Variants in ELK3 observed in about 807,000 individuals in gnomAD.
The protein encoded by ELK3 is ETS domain-containing protein Elk-3.
In ELK3, 10 loss-of-function variants were observed where a neutral mutation model predicts 28.9. The observed-to-expected ratio is 0.35, with a 90% confidence interval of 0.21 to 0.59. The LOEUF (loss-of-function observed/expected upper bound fraction) is 0.59. Among genes scored for constraint, ELK3 ranks in the 20% least tolerant of loss-of-function variants. The pLI is 0.82. For synonymous variants in ELK3, 272 were observed against 243.5 expected, an observed-to-expected ratio of 1.12 and a Z score of -1.09; for missense variants, 463 against 517.3, an observed-to-expected ratio of 0.90 and a Z score of 1.02.
intron 2 of ELK3, among the ~76,000 whole-genome samples, chr12:96,231,430 C>T (rs1242509689): frequency 1.3e-5 from 2 of 152,212 alleles, no homozygotes; most frequent in Non-Finnish European, 2.9e-5. Context: ...TGCCAGGCAC[C>T]TTATGGGTCA....
intron 1 of ELK3, among the ~76,000 whole-genome samples, chr12:96,208,366 T>C: frequency 6.6e-6 from 1 of 152,250 alleles, no homozygotes; most frequent in East Asian, 1.9e-4. Flanking sequence ...GGCAGGTTTT[T>C]TTAGTGACTT....
intron 1 of ELK3, among the ~76,000 whole-genome samples, chr12:96,211,242 G>C (rs1760238028): frequency 6.6e-6 from 1 of 152,192 alleles, no homozygotes; most frequent in South Asian, 2.1e-4. Flanking sequence ...TATGGGCGCT[G>C]TTCTTCAGAA....
chr12:96,204,993 G>C (rs1413278510), intron 1 of ELK3, among the ~76,000 whole-genome samples: 1 of 152,356 alleles, frequency 6.6e-6, no homozygotes, highest in Admixed American at 6.5e-5. Flanking sequence ...CTTTACGGAT[G>C]TGGGCTGCAA....
intron 4 of ELK3, among the ~76,000 whole-genome samples, chr12:96,263,961 C>T (rs1404589498): frequency 6.6e-6 from 1 of 152,068 alleles, no homozygotes; most frequent in East Asian, 1.9e-4. Flanking sequence ...GTGGAAGGAA[C>T]AGGAAGATAA....
intron 1 of ELK3, among the ~76,000 whole-genome samples, chr12:96,205,337 T>A (rs944911589): frequency 2.0e-5 from 3 of 152,206 alleles, no homozygotes; most frequent in Non-Finnish European, 2.9e-5. Flanking sequence ...TACCTCAGTT[T>A]CCTTGTATGA....
intron 3 of ELK3, among the ~76,000 whole-genome samples, chr12:96,249,405 G>A (rs1422377831): frequency 6.6e-6 from 1 of 152,178 alleles, no homozygotes; most frequent in Non-Finnish European, 1.5e-5. Context: ...GGAGGGCCAG[G>A]GGATCAGGAT....
chr12:96,239,979 C>T (rs1001991743), intron 2 of ELK3, among the ~76,000 whole-genome samples: 19 of 152,366 alleles, frequency 1.2e-4, no homozygotes, highest in African/African-American at 3.8e-4. Context: ...TTCACATCTG[C>T]GGCTCCGTGT....
intron 1 of ELK3, among the ~76,000 whole-genome samples, chr12:96,200,834 T>G (rs1951503365): frequency 1.3e-5 from 2 of 152,198 alleles, no homozygotes; most frequent in Non-Finnish European, 2.9e-5. Context: ...GGCTAATTTT[T>G]GTATTTTTAA....
chr12:96,256,344 G>GT (rs556245198), intron 3 of ELK3, among the ~76,000 whole-genome samples: 51 of 152,292 alleles, frequency 3.3e-4, no homozygotes, highest in Middle Eastern at 6.8e-3. Flanking sequence ...TTTATGTCTT[G>GT]TTTTATCCTC....
intron 1 of ELK3, among the ~76,000 whole-genome samples, chr12:96,210,835 C>G (rs562790482): frequency 1.2e-4 from 18 of 152,220 alleles, no homozygotes; most frequent in African/African-American, 4.3e-4. Flanking sequence ...TGAGGCAACA[C>G]CAGAAATGAA....
chr12:96,266,492 T>C (rs530119320), intron 4 of ELK3, among the ~76,000 whole-genome samples: 12 of 152,124 alleles, frequency 7.9e-5, no homozygotes, highest in African/African-American at 2.9e-4. Context: ...TACAGAAATC[T>C]TATTCTTTGT....
intron 4 of ELK3, among the ~76,000 whole-genome samples, chr12:96,264,088 C>T (rs1373943969): frequency 6.6e-6 from 1 of 152,110 alleles, no homozygotes; most frequent in Non-Finnish European, 1.5e-5. Flanking sequence ...GCGATCCTCC[C>T]ACCTCAGCCT....
chr12:96,263,977 AATTTTT>A (rs1221923059), intron 4 of ELK3, among the ~76,000 whole-genome samples: 4 of 152,018 alleles, frequency 2.6e-5, no homozygotes, highest in East Asian at 1.9e-4. Flanking sequence ...GATAAGAGGA[AATTTTT>A]ATTTTTATTT....
intron 1 of ELK3, among the ~76,000 whole-genome samples, chr12:96,202,599 T>C (rs1237537307): frequency 1.4e-5 from 2 of 140,884 alleles, no homozygotes; most frequent in African/African-American, 5.4e-5. Flanking sequence ...CCATCTTGGG[T>C]CACTGCAACC....
chr12:96,228,246 C>T (rs573249305), intron 2 of ELK3, among the ~76,000 whole-genome samples: 3 of 142,538 alleles, frequency 2.1e-5, no homozygotes, highest in East Asian at 2.6e-4. Flanking sequence ...GGTGAAACCC[C>T]GTCTCTACTA....
rs1044603796 is a variant in ELK3 at position 96,249,703 on chromosome 12, G to C, written c.1002+1969G>C. Among the ~76,000 whole-genome samples the C allele has an allele frequency of 2.6e-5, 4 of 152,274 alleles. No individual in the cohort carries two copies. In the East Asian group the frequency reaches 7.7e-4, roughly 29 times the overall value. ...GAGCCTGGATCACCTTCTCAGAACA[G>C]AGTGAGGCAGATGCCAGCCCTGTCT... On this transcript the variant is annotated intron_variant, in intron 3 of 4. Coordinates refer to ENST00000228741, the MANE Select transcript of ELK3 (RefSeq NM_005230.4).
intron 1 of ELK3, among the ~76,000 whole-genome samples, chr12:96,221,829 C>T (rs1951664136): frequency 6.6e-6 from 1 of 152,152 alleles, no homozygotes; most frequent in Non-Finnish European, 1.5e-5. Context: ...TTTAAAGAGC[C>T]CTAAATAAAA....
chr12:96,195,787 CAAAG>C (rs1316450213), intron 1 of ELK3, among the ~76,000 whole-genome samples: 4 of 152,182 alleles, frequency 2.6e-5, no homozygotes, highest in African/African-American at 7.2e-5. Context: ...GAGGAGCTCA[CAAAG>C]AAACTGTGGT....
chr12:96,195,792 A>G (rs1386896771), intron 1 of ELK3, among the ~76,000 whole-genome samples: 1 of 152,124 alleles, frequency 6.6e-6, no homozygotes, highest in African/African-American at 2.4e-5. Context: ...GCTCACAAAG[A>G]AACTGTGGTT....
Sources: gnomAD v4.1 joint callset for allele counts (sites outside exome capture counted in the v4.1 genomes callset) on GRCh38, gnomAD v4.1.1 for gene constraint, MANE v1.5 for transcripts, NCBI Gene and HGNC (gene_info 2026-07-23, HGNC 2026-07-21) for gene names.